ITPK1: variants seen among roughly 807,000 people sequenced by gnomAD.
ITPK1 encodes the protein inositol-tetrakisphosphate 1-kinase.
In ITPK1, 21 loss-of-function variants were observed where a neutral mutation model predicts 45.3. That is an observed-to-expected ratio of 0.46 (90% CI 0.33 to 0.67). ITPK1 has a LOEUF of 0.67. Ranked by LOEUF, ITPK1 falls within the 30% of genes least tolerant of loss-of-function variation. The probability of loss-of-function intolerance (pLI) is 0.02; values close to 1 mark genes in which losing one functional copy is unlikely to be tolerated. For synonymous variants in ITPK1, 258 were observed against 253.6 expected (o/e 1.02, Z -0.16); for missense variants, 474 against 573.5 (o/e 0.83, Z 1.77).
chr14:93,060,515 G>A (rs1018145526), intron 3 of ITPK1, among the ~76,000 whole-genome samples: 1 of 152,150 alleles, frequency 6.6e-6, no homozygotes, highest in Admixed American at 6.6e-5. Flanking sequence ...TGGAACAGGC[G>A]AGTATCAGCA....
chr14:92,943,967 G>A (rs1167410320), intron 10 of ITPK1, among the ~76,000 whole-genome samples: 5 of 152,218 alleles, frequency 3.3e-5, no homozygotes, highest in East Asian at 1.9e-4. Flanking sequence ...GCTCCACCAC[G>A]TGACTTTGGA....
Position 92,939,636 on chromosome 14 carries a change from C to T in ITPK1, c.*1925G>A, listed in dbSNP as rs894183786. On this transcript the variant is annotated 3_prime_UTR_variant, in exon 11 of 11. Coordinates refer to ENST00000267615, the MANE Select transcript of ITPK1 (RefSeq NM_014216.6). The stretch of plus-strand genomic sequence containing the variant: ...AGGCCTATGGACGCCACCACGACAC[C>T]ACATGGCAGTTACTCGGTATCTGGG... The T allele has an allele frequency of 4.1e-6, 4 of 979,294 alleles. No individual in the cohort carries two copies. Among genetic ancestry groups the T allele is most frequent in the East Asian group, 2.3e-4 (2 of 8,788 alleles). 60.7% of individuals were successfully genotyped at this position (979,294 alleles called of 1,614,324 possible).
chr14:93,090,910 G>A (rs372589286), intron 2 of ITPK1, among the ~76,000 whole-genome samples: 4 of 152,138 alleles, frequency 2.6e-5, no homozygotes, highest in East Asian at 1.9e-4. Context: ...TCTTGAAAAC[G>A]GACTCATCCT....
intron 5 of ITPK1, among the ~76,000 whole-genome samples, chr14:92,993,249 C>A (rs1276660133): frequency 6.6e-6 from 1 of 152,236 alleles, no homozygotes; most frequent in Non-Finnish European, 1.5e-5. Flanking sequence ...AAGCAGTGAA[C>A]TAGGAGGTTA....
rs558736461 is a variant in ITPK1, at chr14:92,946,335, G to A, written c.897C>T (p.Phe299=). Residue 299 remains phenylalanine (F), a synonymous_variant, in exon 10 of 11, where the codon TTC becomes TTT. Coordinates refer to ENST00000267615, the MANE Select transcript of ITPK1 (RefSeq NM_014216.6). ...GQHAVIDINA[F]PGYEGVSEFF... ...GGTGGCCTGGCCGCCACTCACCTGG[G>A]AAGGCATTGATGTCAATGACGGCGT... 7.4e-6 allele frequency: 12 copies of A among 1,613,204 alleles called. No individual in the cohort carries two copies. In the East Asian group the frequency reaches 1.1e-4, roughly 15 times the overall value.
intron 2 of ITPK1, among the ~76,000 whole-genome samples, chr14:93,100,550 G>A (rs1021720948): frequency 6.8e-6 from 1 of 146,898 alleles, no homozygotes; most frequent in African/African-American, 2.5e-5. Flanking sequence ...GAGAGAGAGA[G>A]AGAGAGACAG....
Position 93,024,453 on chromosome 14 carries a change from C to T in ITPK1, c.121-7652G>A, listed in dbSNP as rs554768061. On this transcript the variant is annotated intron_variant, in intron 3 of 10. Coordinates refer to ENST00000267615, the MANE Select transcript of ITPK1 (RefSeq NM_014216.6). The stretch of plus-strand genomic sequence containing the variant: ...TCCTATAGTCGCGATGAGCACACAG[C>T]CAGGGCCAGCCATCGATTACCTCCC... Among the ~76,000 whole-genome samples, 7 of 152,320 alleles carry T rather than the reference C, an allele frequency of 4.6e-5. No individual in the cohort carries two copies. In the South Asian group the frequency reaches 1.2e-3, roughly 27 times the overall value.
Position 92,943,429 on chromosome 14 carries a change from C to T in ITPK1, c.902-1525G>A, listed in dbSNP as rs546398980. On this transcript the variant is annotated intron_variant, in intron 10 of 10. Transcript: ENST00000267615. The stretch of plus-strand genomic sequence containing the variant: ...CTTGGTCTTGTGTGTGTCTTGAATA[C>T]CACATGGTGCCAGGTCCCCCACCAT... 3.9e-5 allele frequency among the ~76,000 whole-genome samples: 6 copies of T among 152,344 alleles called. No individual in the cohort carries two copies. The South Asian group carries it at 1.2e-3, about 32-fold the overall frequency.
At chr14:92,986,123 C>T (rs912842947) in intron 5 of ITPK1, among the ~76,000 whole-genome samples, 3 of 152,204 alleles carry the variant, frequency 2.0e-5, no homozygotes, top group Non-Finnish European at 4.4e-5. Flanking sequence ...CATGCAACCA[C>T]TCTGGGCCTC....
chr14:93,101,199 GC>G (rs1343162148), intron 2 of ITPK1, among the ~76,000 whole-genome samples: 1 of 152,204 alleles, frequency 6.6e-6, no homozygotes, highest in East Asian at 1.9e-4. Context: ...CTTCTGGGCT[GC>G]GAAGCTGTCA....
At chr14:93,048,290 T>C (rs992007664) in intron 3 of ITPK1, among the ~76,000 whole-genome samples, 1 of 152,270 alleles carries the variant, frequency 6.6e-6, no homozygotes, top group Non-Finnish European at 1.5e-5. Context: ...GTTTCAATGA[T>C]GGCCAGTCTT....
At chr14:92,978,994 T>C (rs1393725107) in intron 5 of ITPK1, among the ~76,000 whole-genome samples, 1 of 151,820 alleles carries the variant, frequency 6.6e-6, no homozygotes, top group East Asian at 1.9e-4. Context: ...AGGTACTCAG[T>C]GTCAGCCCAC....
intron 4 of ITPK1, among the ~76,000 whole-genome samples, chr14:92,994,396 G>A (rs1886946911): frequency 6.6e-6 from 1 of 152,184 alleles, no homozygotes; most frequent in Admixed American, 6.5e-5. Flanking sequence ...AGTCATCAGA[G>A]GGTCTGCGGG....
At chr14:93,080,729 CAAT>C (rs1319766053) in intron 2 of ITPK1, among the ~76,000 whole-genome samples, 2 of 152,036 alleles carry the variant, frequency 1.3e-5, no homozygotes, top group Admixed American at 1.3e-4. Flanking sequence ...GGGAAAGTAA[CAAT>C]AAAAGTTACA....
In ITPK1 at chr14:93,115,175, G is replaced by A; in HGVS notation, c.-12C>T. On this transcript the variant is annotated 5_prime_UTR_variant, in exon 2 of 11. Transcript: ENST00000267615. The stretch of plus-strand genomic sequence containing the variant: ...AGAAAGGTCTGCATCTTCCTCCTCG[G>A]GCGGGGAGCCTGGGTCCGGAGGAAA... 6.3e-7 allele frequency: 1 copy of A among 1,589,296 alleles called. No homozygotes were observed. Among genetic ancestry groups the A allele is most frequent in the Non-Finnish European group, 8.6e-7 (1 of 1,163,334 alleles).
chr14:93,079,165 A>G (rs1325497384), intron 2 of ITPK1, among the ~76,000 whole-genome samples: 1 of 152,230 alleles, frequency 6.6e-6, no homozygotes, highest in African/African-American at 2.4e-5. Context: ...AACAGATGGA[A>G]CACATAAAAT....
chr14:92,946,698 A>G (rs1240721799), intron 9 of ITPK1, among the ~76,000 whole-genome samples: 1 of 152,226 alleles, frequency 6.6e-6, no homozygotes, highest in Non-Finnish European at 1.5e-5. Flanking sequence ...TGTGAGGCTC[A>G]TTACCTCCTG....
chr14:93,028,361 G>A (rs2139883252), intron 3 of ITPK1, among the ~76,000 whole-genome samples: 1 of 152,340 alleles, frequency 6.6e-6, no homozygotes, highest in East Asian at 1.9e-4. Context: ...AGAGGTACAG[G>A]GCAGCCTGTT....
intron 2 of ITPK1, among the ~76,000 whole-genome samples, chr14:93,078,797 G>A (rs1434457078): frequency 6.6e-6 from 1 of 152,082 alleles, no homozygotes; most frequent in Non-Finnish European, 1.5e-5. Context: ...CCCCCCGCAG[G>A]GACGAGAAAA....
Sources: allele counts gnomAD v4.1 joint callset (sites outside exome capture counted in the v4.1 genomes callset), GRCh38; gene constraint gnomAD v4.1.1; transcripts MANE v1.5; gene names NCBI Gene and HGNC (gene_info 2026-07-23, HGNC 2026-07-21).